LRRC4C: variants seen among roughly 807,000 people sequenced by gnomAD.
LRRC4C encodes the protein leucine-rich repeat-containing protein 4C.
Under a neutral mutation model 33.6 loss-of-function variants are expected in LRRC4C, and 5 were observed. That is an observed-to-expected ratio of 0.15 (90% confidence interval 0.08 to 0.31). The LOEUF (loss-of-function observed/expected upper bound fraction) is 0.31. Among genes scored for constraint, LRRC4C ranks in the 10% least tolerant of loss-of-function variants. The pLI is 1.00. For synonymous variants in LRRC4C, 329 were observed against 302.0 expected (o/e 1.09, Z -0.93); for missense variants, 560 against 796.7 (o/e 0.70, Z 3.58).
At chr11:41,316,487 T>C (rs375337763) in intron 1 of LRRC4C, among the ~76,000 whole-genome samples, 1 of 152,132 alleles carries the variant, frequency 6.6e-6, no homozygotes, top group East Asian at 1.9e-4. Context: ...TATATTTCTA[T>C]TGCATCTGTT....
At chr11:41,299,222 T>C (rs1473049290) in intron 1 of LRRC4C, among the ~76,000 whole-genome samples, 1 of 152,150 alleles carries the variant, frequency 6.6e-6, no homozygotes, top group Non-Finnish European at 1.5e-5. Context: ...TTCCACTGAT[T>C]ATTTTTATTC....
chr11:40,360,423 C>A (rs1799210567), intron 3 of LRRC4C, among the ~76,000 whole-genome samples: 1 of 152,144 alleles, frequency 6.6e-6, no homozygotes, highest in African/African-American at 2.4e-5. Flanking sequence ...GAAAACGGAT[C>A]AATAGAAAGT....
intron 5 of LRRC4C, among the ~76,000 whole-genome samples, chr11:40,221,365 G>A (rs868555729): frequency 2.0e-5 from 3 of 152,048 alleles, no homozygotes; most frequent in South Asian, 2.1e-4. Context: ...TCAGTCTATC[G>A]GATTGCCCAA....
intron 1 of LRRC4C, among the ~76,000 whole-genome samples, chr11:41,095,730 T>C (rs1458218989): frequency 6.6e-6 from 1 of 152,190 alleles, no homozygotes; most frequent in African/African-American, 2.4e-5. Context: ...TTCAGGAATT[T>C]GGGTTTTACA....
At chr11:40,586,083 C>G (rs1958724134) in intron 3 of LRRC4C, among the ~76,000 whole-genome samples, 1 of 142,632 alleles carries the variant, frequency 7.0e-6, no homozygotes, top group Non-Finnish European at 1.5e-5. Flanking sequence ...AGTTTACAGT[C>G]CCACCAACAG....
chr11:40,452,285 A>C (rs1951923163), intron 3 of LRRC4C, among the ~76,000 whole-genome samples: 1 of 152,224 alleles, frequency 6.6e-6, no homozygotes, highest in African/African-American at 2.4e-5. Flanking sequence ...TACTCATCTG[A>C]CAAAGGGCTA....
At chr11:40,266,352 G>A (rs1386593741) in intron 4 of LRRC4C, among the ~76,000 whole-genome samples, 1 of 151,950 alleles carries the variant, frequency 6.6e-6, no homozygotes, top group Non-Finnish European at 1.5e-5. Flanking sequence ...CGAATGTGGT[G>A]GCTTATGTCT....
intron 1 of LRRC4C, among the ~76,000 whole-genome samples, chr11:41,247,287 T>G (rs567947785): frequency 5.6e-4 from 86 of 152,356 alleles, no homozygotes; most frequent in African/African-American, 1.9e-3. Context: ...CCTTCCAGGC[T>G]GTCCACAAGC....
At chr11:40,605,841 C>G (rs1275525999) in intron 3 of LRRC4C, among the ~76,000 whole-genome samples, 31 of 152,170 alleles carry the variant, frequency 2.0e-4, no homozygotes. Flanking sequence ...CCTCCCAACT[C>G]CCAGATGCTT....
At chr11:40,366,647 TA>T (rs1948220689) in intron 3 of LRRC4C, among the ~76,000 whole-genome samples, 1 of 152,080 alleles carries the variant, frequency 6.6e-6, no homozygotes, top group Non-Finnish European at 1.5e-5. Flanking sequence ...GAGATAAATT[TA>T]AATGCTGTAT....
At chr11:41,204,149 T>G (rs1946505226) in intron 1 of LRRC4C, among the ~76,000 whole-genome samples, 1 of 152,156 alleles carries the variant, frequency 6.6e-6, no homozygotes. Flanking sequence ...AGAACAGATT[T>G]GGAGACAGAG....
intron 1 of LRRC4C, among the ~76,000 whole-genome samples, chr11:40,938,236 A>C (rs1340517922): frequency 6.6e-6 from 1 of 152,166 alleles, no homozygotes; most frequent in South Asian, 2.1e-4. Flanking sequence ...CTATTCTGGC[A>C]GGAAAGAAAA....
chr11:40,585,519 T>G (rs1258215977), intron 3 of LRRC4C, among the ~76,000 whole-genome samples: 1 of 151,374 alleles, frequency 6.6e-6, no homozygotes, highest in East Asian at 2.0e-4. Context: ...ATGTGCACAT[T>G]GTGCAGGTTA....
At chr11:40,528,705 A>C (rs1956156862) in intron 3 of LRRC4C, among the ~76,000 whole-genome samples, 2 of 152,216 alleles carry the variant, frequency 1.3e-5, no homozygotes, top group South Asian at 4.1e-4. Flanking sequence ...TTCACTGCAG[A>C]ACTAGTCACA....
chr11:40,183,863 G>A (rs886871267), intron 5 of LRRC4C, among the ~76,000 whole-genome samples: 2 of 152,212 alleles, frequency 1.3e-5, no homozygotes, highest in African/African-American at 4.8e-5. Flanking sequence ...GTACTCTAAA[G>A]GGAGGCTGAA....
At chr11:40,282,305 A>T (rs956938077) in intron 4 of LRRC4C, among the ~76,000 whole-genome samples, 3 of 152,122 alleles carry the variant, frequency 2.0e-5, no homozygotes, top group Non-Finnish European at 4.4e-5. Flanking sequence ...AGATCGCACC[A>T]CTGCACTCCA....
At chr11:40,331,742 T>G (rs1246867796) in intron 3 of LRRC4C, among the ~76,000 whole-genome samples, 1 of 152,156 alleles carries the variant, frequency 6.6e-6, no homozygotes, top group South Asian at 2.1e-4. Flanking sequence ...AACTTCTGGT[T>G]CATGGACCTT....
chr11:40,793,498 A>G (rs1950707613), intron 2 of LRRC4C, among the ~76,000 whole-genome samples: 1 of 152,250 alleles, frequency 6.6e-6, no homozygotes, highest in Non-Finnish European at 1.5e-5. Context: ...TACTGTAACC[A>G]GTCAGAATTT....
chr11:41,123,725 T>C (rs1440671742), intron 1 of LRRC4C, among the ~76,000 whole-genome samples: 1 of 152,190 alleles, frequency 6.6e-6, no homozygotes, highest in East Asian at 1.9e-4. Flanking sequence ...AATGTCACCC[T>C]GGAATCACTC....
Sources: gnomAD v4.1 joint callset for allele counts (sites outside exome capture counted in the v4.1 genomes callset) on GRCh38, gnomAD v4.1.1 for gene constraint, MANE v1.5 for transcripts, NCBI Gene and HGNC (gene_info 2026-07-23, HGNC 2026-07-21) for gene names.